Variants in AGO4 observed in about 807,000 individuals in gnomAD.
AGO4 encodes protein argonaute-4.
A neutral mutation model predicts 104.7 loss-of-function variants in AGO4; 33 were observed. The observed-to-expected ratio is 0.32, with a 90% confidence interval of 0.24 to 0.42. The LOEUF is 0.42. Ranked by LOEUF, AGO4 falls within the 10% of genes least tolerant of loss-of-function variation. The pLI is 1.00. For missense variants in AGO4, 711 were observed against 1,083.4 expected (o/e 0.66, Z 4.83); for synonymous variants, 331 against 364.7 (o/e 0.91, Z 1.05).
intron 15 of AGO4, among the ~76,000 whole-genome samples, chr1:35,848,415 G>A (rs1313990704): frequency 6.6e-6 from 1 of 151,412 alleles, no homozygotes; most frequent in Non-Finnish European, 1.5e-5. Context: ...CTTCCCATAT[G>A]CCCTTATGAC....
chr1:35,818,658 A>AAAGAAAGAAAGAAAGG (rs1553144552), intron 2 of AGO4, among the ~76,000 whole-genome samples: 13 of 61,572 alleles, frequency 2.1e-4, no homozygotes, highest in Non-Finnish European at 4.1e-4. Context: ...AGAAAGAAAG[A>AAAGAAAGAAAGAAAGG]AAGGAAGAAA....
Position 35,809,938 on chromosome 1 carries a change from T to A in AGO4, c.19+1503T>A, listed in dbSNP as rs556184829. 1.3e-4 allele frequency among the ~76,000 whole-genome samples: 20 copies of A among 152,316 alleles called. No homozygotes were observed. In the South Asian group the frequency reaches 4.1e-3, roughly 32 times the overall value. ...TGAAACAACTGTTGCATTTATGATC[T>A]GATATCGAAAGAAATTGTGTAACTG... On this transcript the variant is annotated intron_variant, in intron 1 of 17. Transcript: ENST00000373210.
chr1:35,812,207 A>G (rs1643531473), intron 1 of AGO4, among the ~76,000 whole-genome samples: 1 of 149,904 alleles, frequency 6.7e-6, no homozygotes, highest in Admixed American at 6.6e-5. Context: ...AAAAAGAAAA[A>G]AGAAAAAAAA....
At chr1:35,819,433 T>TA (rs1056612671) in intron 2 of AGO4, among the ~76,000 whole-genome samples, 50 of 151,044 alleles carry the variant, frequency 3.3e-4, no homozygotes, top group Non-Finnish European at 3.0e-4. Context: ...CTGTCTATAT[T>TA]AAAAAAAACA....
At chr1:35,831,739 T>C in intron 8 of AGO4, 73 bp from the exon 9 acceptor site, 2 of 1,583,292 alleles carry the variant, frequency 1.3e-6, no homozygotes, top group Non-Finnish European at 1.7e-6. Flanking sequence ...ATAGAGGATA[T>C]AAGATATGGT....
chr1:35,817,161 T>C (rs1643737604), intron 2 of AGO4, 114 bp downstream of exon 2: 2 of 1,150,358 alleles, frequency 1.7e-6, no homozygotes. Flanking sequence ...TCTAAGATGA[T>C]AGGTTTCTTA....
Position 35,808,468 on chromosome 1 carries a change from G to C in AGO4, c.19+33G>C. On this transcript the variant is annotated intron_variant, in intron 1 of 17. Coordinates refer to ENST00000373210, the MANE Select transcript of AGO4 (RefSeq NM_017629.4). This position sits in a 1 kb window ranked among gnomAD's most constrained non-coding sequence, Gnocchi z 5.2. ...GCGAGCTCGGGTCGGGGCGGGACCC[G>C]GGACCCGGGACCCGGGGCGGGCGGC... 1 of 1,176,526 alleles carries C rather than the reference G, an allele frequency of 8.5e-7. No individual in the cohort carries two copies. The highest frequency in any genetic ancestry group is 1.1e-6 in the Non-Finnish European group (1 of 952,072). 72.9% of individuals were successfully genotyped at this position (1,176,526 alleles called of 1,614,324 possible). A position where few individuals can be genotyped will look rare whatever the true frequency, so the allele number is the denominator to read the frequency against.
At chr1:35,819,875 A>G (rs763371996) in intron 2 of AGO4, among the ~76,000 whole-genome samples, 4 of 151,964 alleles carry the variant, frequency 2.6e-5, no homozygotes, top group Non-Finnish European at 5.9e-5. Context: ...GGAGACAAAC[A>G]TTTGAGAATC....
rs753117128 is a variant in AGO4 at position 35,850,137 on chromosome 1, C to CT, written c.2176-12dup. 137 of 1,542,250 alleles carry CT rather than the reference C, an allele frequency of 8.9e-5. No homozygotes were observed. The highest frequency in any genetic ancestry group is 1.3e-4 in the African/African-American group (9 of 71,574). ...AGTTTGGCACTTTGATGACTAATTA[C>CT]TTTTTTTTGTTTTTTGTAGGTAGGG... On this transcript the variant is annotated intron_variant, in intron 15 of 17. Transcript: ENST00000373210.
At chr1:35,852,470 A>G (rs1028028572) in intron 17 of AGO4, among the ~76,000 whole-genome samples, 1 of 152,204 alleles carries the variant, frequency 6.6e-6, no homozygotes, top group African/African-American at 2.4e-5. Context: ...TATGTGTCCA[A>G]GGTTATATAG....
At chr1:35,830,067 C>T (rs1340087603) in intron 7 of AGO4, among the ~76,000 whole-genome samples, 1 of 150,050 alleles carries the variant, frequency 6.7e-6, no homozygotes, top group African/African-American at 2.5e-5. Context: ...TTGCTTGAGC[C>T]CAAGTGGTGG....
intron 3 of AGO4, among the ~76,000 whole-genome samples, chr1:35,823,462 G>C (rs1643932338): frequency 6.6e-6 from 1 of 151,972 alleles, no homozygotes; most frequent in African/African-American, 2.4e-5. Context: ...GCCTTGCTCT[G>C]TTGCCCAGGC....
chr1:35,830,060 C>T (rs1644141219), intron 7 of AGO4, among the ~76,000 whole-genome samples: 1 of 148,136 alleles, frequency 6.8e-6, no homozygotes, highest in Middle Eastern at 3.5e-3. Context: ...GGGAGAATTG[C>T]TTGAGCCCAA....
chr1:35,835,902 G>A lies in AGO4; in HGVS notation c.1633G>A (p.Val545Met), dbSNP rs1644302115. The stretch of plus-strand genomic sequence containing the variant: ...ACAGTGTGTCCAGGTAAAAAATGTA[G>A]TGAAGACCTCACCTCAAACCCTTTC... The part of the protein sequence containing the change: ...ATQCVQVKNV[V>M]KTSPQTLSNL... Residue 545 changes from valine to methionine, a missense_variant, in exon 13 of 18, where the codon GTG becomes ATG. Transcript: ENST00000373210. The A allele has an allele frequency of 6.2e-7, 1 of 1,613,954 alleles. No homozygotes were observed. Among genetic ancestry groups the A allele is most frequent in the Non-Finnish European group, 8.5e-7 (1 of 1,179,996 alleles).
chr1:35,823,061 C>G, intron 3 of AGO4, 79 bp downstream of exon 3: 1 of 1,512,760 alleles, frequency 6.6e-7, no homozygotes, highest in South Asian at 1.2e-5. Context: ...TTCTTCCCAA[C>G]ACACACAAAA....
At position 35,808,291 on chromosome 1, in the gene AGO4, T is replaced by G; in HGVS notation, c.-126T>G. On this transcript the variant is annotated 5_prime_UTR_variant, in exon 1 of 18. Coordinates refer to ENST00000373210, the MANE Select transcript of AGO4 (RefSeq NM_017629.4). This position sits in a 1 kb window ranked among gnomAD's most constrained non-coding sequence, Gnocchi z 5.2. ...CGCCGCCCCCTGCCCAGCGCCCGCG[T>G]CTCCGCGGCGCCACCCCAGCGCCAA... 1 of 466,162 alleles carries G rather than the reference T, an allele frequency of 2.1e-6. No individual in the cohort carries two copies. Among genetic ancestry groups the G allele is most frequent in the Non-Finnish European group, 2.8e-6 (1 of 355,896 alleles). The allele number at this position is 466,162 out of a possible 1,614,324, so 28.9% of individuals were successfully genotyped here. A position where few individuals can be genotyped will look rare whatever the true frequency, so the allele number is the denominator to read the frequency against.
rs745983423 is a variant in AGO4, at chr1:35,826,815, A to G, written c.828A>G (p.Arg276=). 1.2e-6 allele frequency: 2 copies of G among 1,614,170 alleles called. No homozygotes were observed. Among genetic ancestry groups the G allele is most frequent in the Non-Finnish European group, 1.7e-6 (2 of 1,180,010 alleles). ...KRKYRVCNVT[R]RPASHQTFPL... is the part of the protein sequence containing the mutation. ...AATACCGAGTTTGTAATGTGACTAG[A>G]CGGCCAGCCAGTCATCAAACGTATG... Residue 276 remains arginine, a synonymous_variant, in exon 7 of 18, where the codon AGA becomes AGG. Transcript: ENST00000373210.
intron 13 of AGO4, among the ~76,000 whole-genome samples, 165 bp downstream of exon 13, chr1:35,836,158 C>T (rs1335819778): frequency 1.3e-5 from 2 of 152,128 alleles, no homozygotes; most frequent in Non-Finnish European, 2.9e-5. Context: ...TTCCAGCACC[C>T]CATCAGCCTT....
chr1:35,852,070 C>T (rs1644713932), intron 17 of AGO4, among the ~76,000 whole-genome samples: 1 of 152,046 alleles, frequency 6.6e-6, no homozygotes, highest in African/African-American at 2.4e-5. Context: ...GCAGAGAGAA[C>T]AAGGGACACA....
Sources: allele counts gnomAD v4.1 joint callset (sites outside exome capture counted in the v4.1 genomes callset), GRCh38; gene constraint gnomAD v4.1.1; non-coding constraint Gnocchi (gnomAD v3.1); transcripts MANE v1.5; gene names NCBI Gene and HGNC (gene_info 2026-07-23, HGNC 2026-07-21).